Variants in LRP1B observed in about 807,000 individuals in gnomAD.
LRP1B encodes the protein LDL receptor related protein 1B, also known as low-density lipoprotein receptor-related protein 1B.
In LRP1B, 217 loss-of-function variants were observed where a neutral mutation model predicts 556.6. The ratio of observed to expected loss-of-function variants is 0.39; its 90% CI spans 0.35 to 0.44. The LOEUF (loss-of-function observed/expected upper bound fraction) is 0.44, where lower values mean the gene tolerates loss of function less well. LRP1B is among the 20% of genes least tolerant of loss of function. The probability of loss-of-function intolerance (pLI) is 1.00; values close to 1 mark genes in which losing one functional copy is unlikely to be tolerated. For synonymous variants in LRP1B, 2,047 were observed against 1,865.8 expected, an observed-to-expected ratio of 1.10 and a Z score of -2.50; for missense variants, 5,053 against 5,620.8, an observed-to-expected ratio of 0.90 and a Z score of 3.23.
At chr2:141,224,936 C>T (rs552280712) in intron 6 of LRP1B, among the ~76,000 whole-genome samples, 12 of 152,134 alleles carry the variant, frequency 7.9e-5, no homozygotes, top group African/African-American at 2.9e-4. Flanking sequence ...TCCTATGTAA[C>T]AAACCTGCAC....
At chr2:140,684,971 A>C (rs1685998039) in intron 41 of LRP1B, among the ~76,000 whole-genome samples, 1 of 152,124 alleles carries the variant, frequency 6.6e-6, no homozygotes, top group African/African-American at 2.4e-5. Flanking sequence ...CTACTCATAC[A>C]TGCATATTCT....
intron 6 of LRP1B, among the ~76,000 whole-genome samples, chr2:141,200,497 A>T (rs1362860403): frequency 6.6e-6 from 1 of 152,008 alleles, no homozygotes; most frequent in Non-Finnish European, 1.5e-5. Context: ...ACAAAATAAT[A>T]TCTGATATAG....
intron 1 of LRP1B, among the ~76,000 whole-genome samples, chr2:142,096,850 GT>G (rs1706389720): frequency 6.6e-6 from 1 of 151,560 alleles, no homozygotes; most frequent in African/African-American, 2.4e-5. Flanking sequence ...GTACCTAATA[GT>G]TTTTTAACCC....
At chr2:141,986,729 G>A (rs1049446835) in intron 1 of LRP1B, among the ~76,000 whole-genome samples, 2 of 151,910 alleles carry the variant, frequency 1.3e-5, no homozygotes, top group Non-Finnish European at 1.5e-5. Flanking sequence ...GATGTAAATA[G>A]GAATGGAATG....
At chr2:141,517,987 A>G (rs1376242045) in intron 2 of LRP1B, among the ~76,000 whole-genome samples, 3 of 152,220 alleles carry the variant, frequency 2.0e-5, no homozygotes, top group South Asian at 2.1e-4. Context: ...TGTCATCACT[A>G]GAAATGAGGA....
intron 2 of LRP1B, among the ~76,000 whole-genome samples, chr2:141,498,040 A>G (rs1193865252): frequency 6.6e-6 from 1 of 152,026 alleles, no homozygotes; most frequent in African/African-American, 2.4e-5. Flanking sequence ...AATACTTGAA[A>G]TTTTTGGTTT....
At chr2:141,585,744 G>A (rs1258452433) in intron 2 of LRP1B, among the ~76,000 whole-genome samples, 1 of 152,100 alleles carries the variant, frequency 6.6e-6, no homozygotes, top group African/African-American at 2.4e-5. Flanking sequence ...TAAGAGAAAT[G>A]TTACCCACTC....
At chr2:140,870,993 CAT>C (rs1460785783) in intron 25 of LRP1B, among the ~76,000 whole-genome samples, 2 of 151,926 alleles carry the variant, frequency 1.3e-5, no homozygotes, top group South Asian at 2.1e-4. Flanking sequence ...TGTTTATAAA[CAT>C]AGTAATTACA....
chr2:142,077,554 T>C (rs182518956), intron 1 of LRP1B, among the ~76,000 whole-genome samples: 1 of 152,268 alleles, frequency 6.6e-6, no homozygotes, highest in African/African-American at 2.4e-5. Flanking sequence ...CCTCCATTCA[T>C]AGTATGGGAC....
chr2:141,813,249 A>G (rs1033188924), intron 1 of LRP1B, among the ~76,000 whole-genome samples: 4 of 152,220 alleles, frequency 2.6e-5, no homozygotes, highest in African/African-American at 4.8e-5. Context: ...CCGATGAACC[A>G]ATTGTATAGC....
intron 1 of LRP1B, among the ~76,000 whole-genome samples, chr2:142,078,587 G>A (rs552618461): frequency 1.2e-4 from 19 of 152,186 alleles, no homozygotes; most frequent in East Asian, 7.7e-4. Context: ...CCTGTACAGC[G>A]GGTAAAACAA....
At chr2:141,547,163 A>G (rs1036614924) in intron 2 of LRP1B, among the ~76,000 whole-genome samples, 1 of 152,132 alleles carries the variant, frequency 6.6e-6, no homozygotes, top group African/African-American at 2.4e-5. Context: ...TCTTCTCTCA[A>G]TGTTTTTAAT....
intron 3 of LRP1B, among the ~76,000 whole-genome samples, chr2:141,304,716 G>A (rs1439559057): frequency 6.6e-6 from 1 of 151,590 alleles, no homozygotes; most frequent in African/African-American, 2.4e-5. Flanking sequence ...GGCCAGTCTG[G>A]TCTCGAACTC....
chr2:141,456,968 C>CA (rs1681657857), intron 3 of LRP1B, among the ~76,000 whole-genome samples: 1 of 152,192 alleles, frequency 6.6e-6, no homozygotes, highest in Non-Finnish European at 1.5e-5. Context: ...ACTGAATATT[C>CA]AATTTGCACT....
At chr2:140,985,949 C>T (rs961157538) in intron 17 of LRP1B, among the ~76,000 whole-genome samples, 13 of 151,744 alleles carry the variant, frequency 8.6e-5, no homozygotes, top group Admixed American at 5.9e-4. Context: ...ACATTTCCCT[C>T]CCTCTCTTTC....
chr2:141,477,140 AC>A (rs1281586777), intron 3 of LRP1B, among the ~76,000 whole-genome samples: 13 of 108,710 alleles, frequency 1.2e-4, no homozygotes, highest in Admixed American at 2.8e-4. Flanking sequence ...AAACAAACAA[AC>A]AAAAAAAACC....
At position 140,427,254 on chromosome 2, in the gene LRP1B, G is replaced by C. The variant is rs13007077; in HGVS notation, c.10414+15250C>G. Among the ~76,000 whole-genome samples the C allele has an allele frequency of 1.2e-3, 177 of 151,902 alleles. 2 individuals carry two copies. The highest frequency in any genetic ancestry group is 6.8e-3 in the Middle Eastern group (2 of 292). Reference sequence around the variant, plus strand: ...ACGCCTGCCTTGATCATTCACCCACGTTCCCTTGGTGGCAAGTCAATTGCG... The same window carrying C: ...ACGCCTGCCTTGATCATTCACCCACCTTCCCTTGGTGGCAAGTCAATTGCG... On this transcript the variant is annotated intron_variant, in intron 66 of 90. Transcript: ENST00000389484.
At chr2:140,652,903 TGTAA>T (rs538634922) in intron 41 of LRP1B, among the ~76,000 whole-genome samples, 1 of 152,210 alleles carries the variant, frequency 6.6e-6, no homozygotes, top group Admixed American at 6.5e-5. Flanking sequence ...CAAAGCTTGA[TGTAA>T]GTGTCAAAAG....
intron 2 of LRP1B, among the ~76,000 whole-genome samples, chr2:141,659,164 A>G (rs1690120936): frequency 6.6e-6 from 1 of 152,144 alleles, no homozygotes; most frequent in African/African-American, 2.4e-5. Context: ...TCGGCCTCCC[A>G]AAGTGCTAAA....
Sources: gnomAD v4.1 joint callset for allele counts (sites outside exome capture counted in the v4.1 genomes callset) on GRCh38, gnomAD v4.1.1 for gene constraint, MANE v1.5 for transcripts, NCBI Gene and HGNC (gene_info 2026-07-23, HGNC 2026-07-21) for gene names.